The following FMNL3 variants were observed in gnomAD, a reference collection of about 807,000 sequenced individuals.
FMNL3 encodes formin-like protein 3.
In FMNL3, 57 loss-of-function variants were observed where a neutral mutation model predicts 119.6. That is an observed-to-expected ratio of 0.48 (90% CI 0.39 to 0.59). FMNL3 has a LOEUF of 0.59. Among genes scored for constraint, FMNL3 ranks in the 20% least tolerant of loss-of-function variants. The pLI is 0.00. For synonymous variants in FMNL3, 491 were observed against 507.3 expected (o/e 0.97, Z 0.43); for missense variants, 1,053 against 1,323.5 (o/e 0.80, Z 3.17).
At chr12:49,700,980 G>A (rs1397042674) in intron 1 of FMNL3, among the ~76,000 whole-genome samples, 1 of 150,834 alleles carries the variant, frequency 6.6e-6, no homozygotes, top group East Asian at 1.9e-4. Context: ...TTGGGAGGCT[G>A]AGGCAGGAGA....
intron 1 of FMNL3, among the ~76,000 whole-genome samples, chr12:49,703,504 A>T (rs559537463): frequency 1.1e-4 from 17 of 151,902 alleles, no homozygotes; most frequent in African/African-American, 3.4e-4. Flanking sequence ...CAGCTTCACA[A>T]CCTTTTTCCC....
In FMNL3 at chr12:49,650,031, G is replaced by A. The variant is rs1007607044; in HGVS notation, c.2001-106C>T. 75 of 966,578 alleles carry A rather than the reference G, an allele frequency of 7.8e-5. No individual in the cohort carries two copies. The Admixed American group carries it at 1.2e-3, about 16-fold the overall frequency. 59.9% of individuals were successfully genotyped at this position (966,578 alleles called of 1,614,324 possible). A position where few individuals can be genotyped will look rare whatever the true frequency, so the allele number is the denominator to read the frequency against. The stretch of plus-strand genomic sequence containing the variant: ...AAGAACTGGACAGGGGACTGTACAC[G>A]GAACACAGCCAAAGGCAAAGGACCC... On this transcript the variant is annotated intron_variant, in intron 17 of 25. Transcript: ENST00000335154.
At chr12:49,665,358 A>T (rs2138846019) in intron 4 of FMNL3, among the ~76,000 whole-genome samples, 1 of 152,282 alleles carries the variant, frequency 6.6e-6, no homozygotes, top group Non-Finnish European at 1.5e-5. Flanking sequence ...TGCTTAAGGA[A>T]GCTTCTGCTC....
chr12:49,683,810 C>T (rs1841182706), intron 1 of FMNL3, among the ~76,000 whole-genome samples: 1 of 152,218 alleles, frequency 6.6e-6, no homozygotes, highest in South Asian at 2.1e-4. Flanking sequence ...CTCTGCCTTA[C>T]ACTTTACACT....
At chr12:49,691,725 T>C (rs1319903488) in intron 1 of FMNL3, among the ~76,000 whole-genome samples, 3 of 151,998 alleles carry the variant, frequency 2.0e-5, no homozygotes, top group African/African-American at 2.4e-5. Flanking sequence ...AGGAGCCTTT[T>C]TTTTCCCCCC....
chr12:49,705,344 T>C (rs1945019679), intron 1 of FMNL3, among the ~76,000 whole-genome samples: 1 of 152,176 alleles, frequency 6.6e-6, no homozygotes, highest in Non-Finnish European at 1.5e-5. Flanking sequence ...CACGTGCATT[T>C]TGTGAATATT....
At chr12:49,674,170 C>T (rs953373066) in intron 1 of FMNL3, among the ~76,000 whole-genome samples, 1 of 152,242 alleles carries the variant, frequency 6.6e-6, no homozygotes, top group Non-Finnish European at 1.5e-5. Flanking sequence ...CCATCCTCCT[C>T]TCCAGAGCTC....
intron 1 of FMNL3, among the ~76,000 whole-genome samples, chr12:49,673,246 C>G (rs889144181): frequency 1.3e-5 from 2 of 152,208 alleles, no homozygotes; most frequent in African/African-American, 4.8e-5. Flanking sequence ...TGCTGCTGAG[C>G]CCCTGACCGC....
intron 1 of FMNL3, among the ~76,000 whole-genome samples, chr12:49,697,784 A>T (rs1944790693): frequency 6.6e-6 from 1 of 152,274 alleles, no homozygotes; most frequent in East Asian, 1.9e-4. Context: ...TAGGATAGGT[A>T]TTATCCTCAC....
intron 1 of FMNL3, among the ~76,000 whole-genome samples, chr12:49,699,470 G>A (rs890037618): frequency 6.6e-6 from 1 of 152,118 alleles, no homozygotes; most frequent in African/African-American, 2.4e-5. Flanking sequence ...AGGAAGCACT[G>A]GTGTGGCTGC....
intron 5 of FMNL3, among the ~76,000 whole-genome samples, chr12:49,660,575 T>C (rs1169321416): frequency 6.6e-6 from 1 of 152,176 alleles, no homozygotes; most frequent in African/African-American, 2.4e-5. Context: ...GCGCCGAACA[T>C]AGAAGAAGCA....
In FMNL3 at chr12:49,640,015, G is replaced by A. The variant is rs1199837560; in HGVS notation, c.*5800C>T. On this transcript the variant is annotated 3_prime_UTR_variant, in exon 26 of 26. Transcript: ENST00000335154. ...TAGGGGCCTATCCTCACTGAGTCCT[G>A]TCTCTCCACACAACCTGAGAAAGCA... 6.6e-6 allele frequency: 1 copy of A among 152,204 alleles called. No individual in the cohort carries two copies. Among genetic ancestry groups the A allele is most frequent in the Non-Finnish European group, 1.5e-5 (1 of 68,036 alleles). The allele number at this position is 152,204 out of a possible 1,614,324, so 9.4% of individuals were successfully genotyped here. A position where few individuals can be genotyped will look rare whatever the true frequency, so the allele number is the denominator to read the frequency against.
chr12:49,707,182 G>C lies in FMNL3; in HGVS notation c.-2C>G. The C allele has an allele frequency of 6.5e-7, 1 of 1,548,064 alleles. No individual in the cohort carries two copies. Among genetic ancestry groups the C allele is most frequent in the East Asian group, 2.4e-5 (1 of 41,226 alleles). On this transcript the variant is annotated 5_prime_UTR_variant, in exon 1 of 26. Coordinates refer to ENST00000335154, the MANE Select transcript of FMNL3 (RefSeq NM_175736.5). The stretch of plus-strand genomic sequence containing the variant: ...CTCGGCGCTCTCCAGGTTGCCCATC[G>C]CGGCGGGGCCCCCTCAGGGGCCTCG...
rs367619780 is a variant in FMNL3, at chr12:49,645,477, T to C, written c.*338A>G. ...GGAAAAAAAAAGAAAGAACAGTTGCTCTCTCCTCTCATCCCTCTGGGCTCT... is the reference window on the plus strand; with the variant it reads ...GGAAAAAAAAAGAAAGAACAGTTGCCCTCTCCTCTCATCCCTCTGGGCTCT... On this transcript the variant is annotated 3_prime_UTR_variant, in exon 26 of 26. Transcript: ENST00000335154. 1.8e-4 allele frequency: 47 copies of C among 260,108 alleles called. No individual in the cohort carries two copies. The highest frequency in any genetic ancestry group is 1.1e-3 in the African/African-American group (47 of 44,694). 16.1% of individuals were successfully genotyped at this position (260,108 alleles called of 1,614,324 possible).
In FMNL3 at chr12:49,656,481, A is replaced by G. The variant is rs767024928; in HGVS notation, c.808T>C (p.Leu270=). 1 of 1,613,974 alleles carries G rather than the reference A, an allele frequency of 6.2e-7. No homozygotes were observed. The highest frequency in any genetic ancestry group is 2.2e-5 in the East Asian group (1 of 44,888). The change falls in exon 9 of 26, where the codon TTA becomes CTA. Residue 270 remains leucine (L), a synonymous_variant. Coordinates refer to ENST00000335154, the MANE Select transcript of FMNL3 (RefSeq NM_175736.5). ...AAACACACAGCTGCCAGAAGCTCTA[A>G]GACAAGGGCTTTGGTCCTAAGGGGT... ...NKNPRTKALV[L]ELLAAVCLVR...
At chr12:49,679,519 C>CTTTTT (rs551320921) in intron 1 of FMNL3, among the ~76,000 whole-genome samples, 16 of 90,642 alleles carry the variant, frequency 1.8e-4, no homozygotes, top group South Asian at 4.0e-4. Context: ...GCATTTGTGT[C>CTTTTT]TTTTTTTTTT....
rs779605493 is a variant in FMNL3, at chr12:49,637,858, A to G, written c.*7957T>C. 3 of 1,526,812 alleles carry G rather than the reference A, an allele frequency of 2.0e-6. No individual in the cohort carries two copies. The African/African-American group carries it at 4.1e-5, about 21-fold the overall frequency. The allele number at this position is 1,526,812 out of a possible 1,614,324, so 94.6% of individuals were successfully genotyped here. On this transcript the variant is annotated 3_prime_UTR_variant, in exon 26 of 26. Transcript: ENST00000335154. Reference sequence around the variant, plus strand: ...GGCTGGGGTTATGGATGGATACAGGATGGATGCAGGGCACACTCCCTGCAG... The same window carrying G: ...GGCTGGGGTTATGGATGGATACAGGGTGGATGCAGGGCACACTCCCTGCAG...
In FMNL3 at chr12:49,644,206, T is replaced by C. The variant is rs769623360; in HGVS notation, c.*1609A>G. The C allele has an allele frequency of 6.2e-7, 1 of 1,613,868 alleles. No individual in the cohort carries two copies. Among genetic ancestry groups the C allele is most frequent in the Admixed American group, 1.7e-5 (1 of 60,020 alleles). The stretch of plus-strand genomic sequence containing the variant: ...GATCACCAGTGACCCAATGAGCTGT[T>C]CTCTGCCTCGGGTCTGTGTGAGGCC... On this transcript the variant is annotated 3_prime_UTR_variant, in exon 26 of 26. Coordinates refer to ENST00000335154, the MANE Select transcript of FMNL3 (RefSeq NM_175736.5).
rs1238597589 is a variant in FMNL3 at position 49,651,915 on chromosome 12, A to G, written c.1603+18T>C. On this transcript the variant is annotated intron_variant, in intron 14 of 25. Coordinates refer to ENST00000335154, the MANE Select transcript of FMNL3 (RefSeq NM_175736.5). ...AAAGAGGCTGCCCCTGTTGGCTCCC[A>G]GGGGTCGTCGTGGTTACCTGGTAAT... 1 of 1,563,428 alleles carries G rather than the reference A, an allele frequency of 6.4e-7. No homozygotes were observed. The highest frequency in any genetic ancestry group is 1.2e-5 in the South Asian group (1 of 83,502).
Sources: allele counts gnomAD v4.1 joint callset (sites outside exome capture counted in the v4.1 genomes callset), GRCh38; gene constraint gnomAD v4.1.1; transcripts MANE v1.5; gene names NCBI Gene and HGNC (gene_info 2026-07-23, HGNC 2026-07-21).